Variants in SOX5 observed in about 807,000 individuals in gnomAD.
SOX5 encodes the protein SRY-box transcription factor 5.
A neutral mutation model predicts 92.0 loss-of-function variants in SOX5; 9 were observed. That is an observed-to-expected ratio of 0.10 (90% CI 0.06 to 0.17). The LOEUF is 0.17. Among genes scored for constraint, SOX5 ranks in the 10% least tolerant of loss-of-function variants. The pLI, the probability that SOX5 is intolerant of heterozygous loss-of-function variation, is 1.00. For missense variants in SOX5, 642 were observed against 944.5 expected (o/e 0.68, Z 4.20); for synonymous variants, 344 against 336.3 (o/e 1.02, Z -0.25).
intron 4 of SOX5, among the ~76,000 whole-genome samples, chr12:23,968,919 G>C (rs1412857054): frequency 6.6e-6 from 1 of 152,002 alleles, no homozygotes. Context: ...TGTTAGTTTT[G>C]TCTATTTGCC....
chr12:23,921,230 A>G (rs1281049166), intron 1 of SOX5, among the ~76,000 whole-genome samples: 2 of 152,172 alleles, frequency 1.3e-5, no homozygotes, highest in Non-Finnish European at 2.9e-5. Context: ...TCTGATCATG[A>G]TTAAATACGA....
chr12:23,801,429 C>G (rs149054360), intron 3 of SOX5, among the ~76,000 whole-genome samples: 317 of 152,158 alleles, frequency 2.1e-3, no homozygotes, highest in Non-Finnish European at 3.7e-3. Flanking sequence ...ATAACTGAAC[C>G]ACAGTGAACC....
chr12:24,327,758 A>ATG (rs1172277860), intron 2 of SOX5, among the ~76,000 whole-genome samples: 6 of 151,060 alleles, frequency 4.0e-5, no homozygotes, highest in Admixed American at 1.3e-4. Context: ...TAATTTTTTT[A>ATG]TGTGTGTGTG....
chr12:24,328,384 A>G (rs1423432090), intron 2 of SOX5, among the ~76,000 whole-genome samples: 7 of 152,150 alleles, frequency 4.6e-5, no homozygotes, highest in African/African-American at 1.7e-4. Flanking sequence ...ATGTTTTCAA[A>G]CCCACTTCCT....
intron 7 of SOX5, among the ~76,000 whole-genome samples, chr12:23,643,364 AAG>A (rs2080378581): frequency 6.6e-6 from 1 of 152,172 alleles, no homozygotes; most frequent in Non-Finnish European, 1.5e-5. Context: ...GGAAGGAACA[AAG>A]AGTTCTGTTT....
chr12:23,839,574 T>C (rs546515517), intron 3 of SOX5, among the ~76,000 whole-genome samples: 1 of 152,204 alleles, frequency 6.6e-6, no homozygotes, highest in Non-Finnish European at 1.5e-5. Flanking sequence ...TAAACATAGA[T>C]GTAAAAATCC....
At chr12:24,560,105 T>C (rs575695627) in intron 1 of SOX5, among the ~76,000 whole-genome samples, 1 of 152,148 alleles carries the variant, frequency 6.6e-6, no homozygotes, top group Non-Finnish European at 1.5e-5. Flanking sequence ...TGAATTTTTT[T>C]AAACCCACAG....
rs1284123436 is a variant in SOX5, at chr12:23,740,924, G to C, written c.684C>G (p.Ala228=). ...GCTGACGCTGTTTCTCAATCTGAGA[G>C]GCAGCTAGTTTCTTCTGCTCATCGT... ...AAHDEQKKLA[A]SQIEKQRQQM... is the part of the protein sequence containing the mutation. The change falls in exon 5 of 15, where the codon GCC becomes GCG. Residue 228 remains alanine (A), a synonymous_variant. Transcript: ENST00000451604. The C allele has an allele frequency of 2.1e-5, 34 of 1,613,224 alleles. No individual in the cohort carries two copies. Among genetic ancestry groups the C allele is most frequent in the Non-Finnish European group, 2.9e-5 (34 of 1,179,466 alleles).
Position 24,393,078 on chromosome 12 carries a change from T to C in SOX5, c.-250-24439A>G, listed in dbSNP as rs1241885801. Among the ~76,000 whole-genome samples, 2 of 152,170 alleles carry C rather than the reference T, an allele frequency of 1.3e-5. No homozygotes were observed. The highest frequency in any genetic ancestry group is 2.9e-5 in the Non-Finnish European group (2 of 68,028). ...TGTGGGGGCATAAGTATTTTTTTCT[T>C]TTCTATCTCAACCACCACTCTCCCA... On this transcript the variant is annotated intron_variant, in intron 1 of 4. Transcript: ENST00000446891. The surrounding 1 kb of genome is among the most constrained non-coding windows in gnomAD (Gnocchi z 5.0).
At position 24,429,755 on chromosome 12, in the gene SOX5, C is replaced by T. The variant is rs560973693; in HGVS notation, c.-250-61116G>A. On this transcript the variant is annotated intron_variant, in intron 1 of 4. Transcript: ENST00000446891. ...CTACTCAATATCTAAAGCATAAATA[C>T]ACAAATGTTATTTTGTCAGTACAAC... Among the ~76,000 whole-genome samples, 60 of 152,122 alleles carry T rather than the reference C, an allele frequency of 3.9e-4. 1 individual carries two copies. Among genetic ancestry groups the T allele is most frequent in the Admixed American group, 4.6e-4 (7 of 15,274 alleles).
intron 4 of SOX5, among the ~76,000 whole-genome samples, chr12:24,052,083 C>T (rs977434896): frequency 6.6e-6 from 1 of 152,100 alleles, no homozygotes; most frequent in Non-Finnish European, 1.5e-5. Context: ...ACGTTCCTTC[C>T]GCATCTTTGC....
chr12:23,745,011 T>A (rs1329019340), intron 4 of SOX5, among the ~76,000 whole-genome samples: 4 of 152,152 alleles, frequency 2.6e-5, no homozygotes, highest in Non-Finnish European at 4.4e-5. Context: ...CATCTTGGAT[T>A]AGGACCCACC....
In SOX5 at chr12:24,027,838, G is replaced by A. The variant is rs758173526; in HGVS notation, c.-1-131814C>T. 6.6e-5 allele frequency among the ~76,000 whole-genome samples: 10 copies of A among 151,784 alleles called. No individual in the cohort carries two copies. The South Asian group carries it at 1.5e-3, about 22-fold the overall frequency. On this transcript the variant is annotated intron_variant, in intron 4 of 4. Transcript: ENST00000446891. The stretch of plus-strand genomic sequence containing the variant: ...CCATCCTCAATCCATTCTCCACCCC[G>A]CATTCAGAGTCATCTTTTGAAAATG...
intron 11 of SOX5, among the ~76,000 whole-genome samples, chr12:23,556,014 T>C (rs1189660935): frequency 6.6e-6 from 1 of 152,158 alleles, no homozygotes; most frequent in East Asian, 1.9e-4. Flanking sequence ...TACAGAGTGA[T>C]GGATGGTGAT....
Position 24,058,465 on chromosome 12 carries a change from A to C in SOX5, c.-2+154878T>G, listed in dbSNP as rs115332488. Among the ~76,000 whole-genome samples, 586 of 152,312 alleles carry C rather than the reference A, an allele frequency of 3.8e-3. 7 individuals carry two copies. The highest frequency in any genetic ancestry group is 0.013 in the African/African-American group (556 of 41,568). On this transcript the variant is annotated intron_variant, in intron 4 of 4. Coordinates refer to the SOX5 transcript ENST00000446891. The stretch of plus-strand genomic sequence containing the variant: ...CCCCTCGTAGGTAACCCACTAGAAA[A>C]ATCACTTCTGTCTCTAGGATGCCCC...
chr12:24,479,749 T>C (rs1215190775), intron 1 of SOX5, among the ~76,000 whole-genome samples: 3 of 152,126 alleles, frequency 2.0e-5, no homozygotes, highest in Non-Finnish European at 4.4e-5. Context: ...TACTGCAACC[T>C]GTGCCTCCCA....
At chr12:24,097,993 T>C (rs906249958) in intron 4 of SOX5, among the ~76,000 whole-genome samples, 3 of 152,212 alleles carry the variant, frequency 2.0e-5, no homozygotes, top group Non-Finnish European at 2.9e-5. Context: ...GTCACATCTA[T>C]GATCTTCCAC....
At chr12:23,659,734 AGGTGGG>A (rs560224330) in intron 7 of SOX5, among the ~76,000 whole-genome samples, 49 of 152,260 alleles carry the variant, frequency 3.2e-4, no homozygotes, top group African/African-American at 1.2e-3. Flanking sequence ...GCACTTTGGG[AGGTGGG>A]TGGATCACGT....
intron 7 of SOX5, among the ~76,000 whole-genome samples, chr12:23,651,600 C>G (rs1195213657): frequency 1.3e-5 from 2 of 151,926 alleles, no homozygotes; most frequent in African/African-American, 2.4e-5. Context: ...TGAATCAAAA[C>G]TATACAATTG....
Sources: gnomAD v4.1 joint callset for allele counts (sites outside exome capture counted in the v4.1 genomes callset) on GRCh38, gnomAD v4.1.1 for gene constraint, Gnocchi (gnomAD v3.1) non-coding constraint, MANE v1.5 for transcripts, NCBI Gene and HGNC (gene_info 2026-07-23, HGNC 2026-07-21) for gene names.